TOP3B: variants seen among roughly 807,000 people sequenced by gnomAD.
TOP3B encodes DNA topoisomerase III beta, also known as DNA topoisomerase 3-beta-1.
TOP3B carries 45 observed loss-of-function variants against 93.9 expected under a neutral mutation model. The ratio of observed to expected loss-of-function variants is 0.48; its 90% CI spans 0.38 to 0.61. TOP3B has a LOEUF of 0.61. TOP3B is among the 20% of genes least tolerant of loss of function. The pLI is 0.00. For synonymous variants in TOP3B, 357 were observed against 472.6 expected, an observed-to-expected ratio of 0.76 and a Z score of 3.17; for missense variants, 750 against 1,156.1, an observed-to-expected ratio of 0.65 and a Z score of 5.09.
At position 21,970,170 on chromosome 22, in the gene TOP3B, A is replaced by AGTGAGG. The variant is rs139881270; in HGVS notation, c.581+34_581+39dup. 180,110 of 1,588,890 alleles carry AGTGAGG rather than the reference A, an allele frequency of 0.11. 10,741 individuals are homozygous for AGTGAGG. Among genetic ancestry groups the AGTGAGG allele is most frequent in the African/African-American group, 0.14 (10,539 of 74,562 alleles). ...AGAGGCAGGTCTCTGGCTGAGGGAGAGTGAGGGTGTGCCCAGGACTCTGCG... is the reference window on the plus strand; with the variant it reads ...AGAGGCAGGTCTCTGGCTGAGGGAGAGTGAGGGTGAGGGTGTGCCCAGGACTCTGCG... On this transcript the variant is annotated intron_variant, in intron 6 of 17. Coordinates refer to ENST00000357179, the MANE Select transcript of TOP3B (RefSeq NM_001282112.2). This position sits in a 1 kb window ranked among gnomAD's most constrained non-coding sequence, Gnocchi z 4.4.
intron 12 of TOP3B, 54 bp from the exon 13 acceptor site, chr22:21,962,656 C>T: frequency 6.2e-7 from 1 of 1,606,086 alleles, no homozygotes; most frequent in South Asian, 1.1e-5. Flanking sequence ...GCCGGGGCCT[C>T]AGACCCTGGG....
Position 21,963,830 on chromosome 22 carries a change from G to A in TOP3B, c.1204+93C>T, listed in dbSNP as rs2071296779. On this transcript the variant is annotated intron_variant, in intron 11 of 17. Transcript: ENST00000357179. The surrounding 1 kb of genome is among the most constrained non-coding windows in gnomAD (Gnocchi z 4.8). ...GCCAGGGCAGGCAGAGGCTGAAGGA[G>A]CCCCCACATTGCCAACAGGGCCTGC... The A allele has an allele frequency of 7.5e-7, 1 of 1,330,478 alleles. No individual in the cohort carries two copies. The highest frequency in any genetic ancestry group is 1.1e-6 in the Non-Finnish European group (1 of 943,568). The allele number at this position is 1,330,478 out of a possible 1,614,324, so 82.4% of individuals were successfully genotyped here.
chr22:21,960,299 G>C (rs2071114392), intron 14 of TOP3B, 22 bp downstream of exon 14: 2 of 1,612,972 alleles, frequency 1.2e-6, no homozygotes, highest in Admixed American at 1.7e-5. Context: ...GTGGGCCCTG[G>C]GGGCAGGACT....
chr22:21,959,934 C>G, intron 14 of TOP3B, 198 bp from the exon 15 acceptor site: 2 of 729,820 alleles, frequency 2.7e-6, no homozygotes, highest in Non-Finnish European at 4.4e-6. Context: ...TGATTTCCCA[C>G]CTGGAAATGT....
chr22:21,979,665 G>A (rs1476632871), intron 1 of TOP3B, among the ~76,000 whole-genome samples: 2 of 149,612 alleles, frequency 1.3e-5, no homozygotes, highest in South Asian at 4.3e-4. Flanking sequence ...TCTCTGGCCG[G>A]GCGCGGTGGC....
Position 21,971,448 on chromosome 22 carries a change from T to C in TOP3B, c.384+429A>G. ...CAGGGTTGGCTGGAGGCAGGAGGCA[T>C]CCTGGATGAGGCAGGAGATGAGCAG... is the stretch of plus-strand genomic sequence containing the variant. On this transcript the variant is annotated intron_variant, in intron 5 of 17. Coordinates refer to ENST00000357179, the MANE Select transcript of TOP3B (RefSeq NM_001282112.2). The surrounding 1 kb of genome is among the most constrained non-coding windows in gnomAD (Gnocchi z 4.6). 6.3e-6 allele frequency: 2 copies of C among 317,492 alleles called. No homozygotes were observed. Among genetic ancestry groups the C allele is most frequent in the South Asian group, 5.1e-5 (2 of 39,032 alleles). 19.7% of individuals were successfully genotyped at this position (317,492 alleles called of 1,614,324 possible). A position where few individuals can be genotyped will look rare whatever the true frequency, so the allele number is the denominator to read the frequency against.
intron 1 of TOP3B, chr22:21,982,333 G>T (rs1049806027): frequency 6.6e-6 from 1 of 152,240 alleles, no homozygotes; most frequent in Non-Finnish European, 1.5e-5. Context: ...AGGGGGCGGC[G>T]AGTGGAAGCT....
At chr22:21,981,000 A>G (rs1276402031) in intron 1 of TOP3B, among the ~76,000 whole-genome samples, 2 of 152,222 alleles carry the variant, frequency 1.3e-5, no homozygotes, top group African/African-American at 4.8e-5. Context: ...TGAGGTTTAA[A>G]AGAGATTTAG....
Position 21,971,803 on chromosome 22 carries a change from C to T in TOP3B, c.384+74G>A. ...TCCTTTGGCCCCAGGAGTGATGTGA[C>T]TGACTGCTGGTGTCAGTTTGGGGCT... On this transcript the variant is annotated intron_variant, in intron 5 of 17. Transcript: ENST00000357179. This position sits in a 1 kb window ranked among gnomAD's most constrained non-coding sequence, Gnocchi z 4.6. 2.9e-6 allele frequency: 4 copies of T among 1,386,020 alleles called. No individual in the cohort carries two copies. Among genetic ancestry groups the T allele is most frequent in the South Asian group, 1.2e-5 (1 of 85,962 alleles). The allele number at this position is 1,386,020 out of a possible 1,614,324, so 85.9% of individuals were successfully genotyped here. A position where few individuals can be genotyped will look rare whatever the true frequency, so the allele number is the denominator to read the frequency against.
In TOP3B at chr22:21,971,142, G is replaced by A. The variant is rs536824925; in HGVS notation, c.384+735C>T. The A allele has an allele frequency of 2.2e-6, 2 of 908,330 alleles. No homozygotes were observed. Among genetic ancestry groups the A allele is most frequent in the African/African-American group, 1.7e-5 (1 of 57,158 alleles). The allele number at this position is 908,330 out of a possible 1,614,324, so 56.3% of individuals were successfully genotyped here. A position where few individuals can be genotyped will look rare whatever the true frequency, so the allele number is the denominator to read the frequency against. ...CCCCCAGGGAGGAGCCGCCCTGCAGGGGAGGAGAGGGTATCTGGGAAGAGA... is the reference window on the plus strand; with the variant it reads ...CCCCCAGGGAGGAGCCGCCCTGCAGAGGAGGAGAGGGTATCTGGGAAGAGA... On this transcript the variant is annotated intron_variant, in intron 5 of 17. Transcript: ENST00000357179. This position sits in a 1 kb window ranked among gnomAD's most constrained non-coding sequence, Gnocchi z 4.6.
intron 16 of TOP3B, 156 bp from the exon 17 acceptor site, chr22:21,958,849 G>T (rs142637547): frequency 2.3e-4 from 296 of 1,299,216 alleles, no homozygotes; most frequent in Admixed American, 6.8e-4. Context: ...CTTGCTCCAC[G>T]CGTGCAGAAA....
intron 1 of TOP3B, among the ~76,000 whole-genome samples, chr22:21,979,351 A>C (rs1027818857): frequency 1.3e-5 from 2 of 151,986 alleles, no homozygotes; most frequent in African/African-American, 4.8e-5. Flanking sequence ...CAGGAATTAC[A>C]GAGGGGCCTG....
intron 4 of TOP3B, chr22:21,972,296 T>C (rs743526): frequency 0.11 from 51,161 of 453,788 alleles, 3,189 homozygotes; most frequent in African/African-American, 0.14. Flanking sequence ...GTCTTTCTAC[T>C]TATCTGCACT....
rs565683318 is a variant in TOP3B at position 21,963,285 on chromosome 22, C to T, written c.1205-392G>A. The T allele has an allele frequency of 3.3e-5, 6 of 182,058 alleles. No homozygotes were observed. Among genetic ancestry groups the T allele is most frequent in the East Asian group, 1.5e-4 (1 of 6,798 alleles). 11.3% of individuals were successfully genotyped at this position (182,058 alleles called of 1,614,324 possible). ...CTGGGAGGCAGAGGTTGCAGTGAGC[C>T]GAGATCGGGCCACTGCACTCCAGCC... On this transcript the variant is annotated intron_variant, in intron 11 of 17. Coordinates refer to ENST00000357179, the MANE Select transcript of TOP3B (RefSeq NM_001282112.2). The surrounding 1 kb of genome is among the most constrained non-coding windows in gnomAD (Gnocchi z 4.8).
In TOP3B at chr22:21,964,280, G is replaced by A. The variant is rs750050023; in HGVS notation, c.979C>T (p.Arg327Trp). ...GPQHAMQTAE[R>W]LYTQGYISYP... The stretch of plus-strand genomic sequence containing the variant: ...CTGATGTAGCCTTGCGTGTAGAGCC[G>A]CTCAGCCGTCTGCATGGCGTGCTGC... The change falls in exon 10 of 18, where the codon CGG (arginine) becomes TGG (tryptophan). Residue 327 changes from arginine (R) to tryptophan (W), a missense_variant. Arg to Trp is a moderately radical substitution (Grantham distance 101). Coordinates refer to ENST00000357179, the MANE Select transcript of TOP3B (RefSeq NM_001282112.2). 78 of 1,613,672 alleles carry A rather than the reference G, an allele frequency of 4.8e-5. No homozygotes were observed. Among genetic ancestry groups the A allele is most frequent in the Non-Finnish European group, 6.3e-5 (74 of 1,179,940 alleles).
At chr22:21,976,888 TCTG>T (rs1445015534) in intron 1 of TOP3B, 1 of 152,060 alleles carries the variant, frequency 6.6e-6, no homozygotes, top group East Asian at 1.9e-4. Context: ...AACTGGGAAA[TCTG>T]CTGTGAAAAA....
rs752254225 is a variant in TOP3B, at chr22:21,970,236, G to A, written c.555C>T (p.Asp185=). The change falls in exon 6 of 18, where the codon GAC becomes GAT. Residue 185 remains aspartate, a synonymous_variant. Transcript: ENST00000357179. The surrounding 1 kb of genome is among the most constrained non-coding windows in gnomAD (Gnocchi z 4.4). ...ALSVDARQEL[D]LRIGCAFTRF... ...TGGTGAATGCACAGCCGATTCGCAG[G>A]TCCAGCTCCTGGCGAGCATCCACTG... 2 of 1,613,048 alleles carry A rather than the reference G, an allele frequency of 1.2e-6. No homozygotes were observed. Among genetic ancestry groups the A allele is most frequent in the East Asian group, 2.2e-5 (1 of 44,880 alleles).
intron 2 of TOP3B, chr22:21,974,709 G>A (rs545865858): frequency 9.6e-6 from 4 of 415,948 alleles, no homozygotes; most frequent in African/African-American, 6.1e-5. Flanking sequence ...GAGCACTCTC[G>A]ATGCAGAGCC....
At chr22:21,959,800 C>A in intron 14 of TOP3B, 64 bp from the exon 15 acceptor site, 1 of 1,573,824 alleles carries the variant, frequency 6.4e-7, no homozygotes. Flanking sequence ...GCCACCCCTT[C>A]CCAGGCAGGG....
Sources: allele counts gnomAD v4.1 joint callset (sites outside exome capture counted in the v4.1 genomes callset), GRCh38; gene constraint gnomAD v4.1.1; non-coding constraint Gnocchi (gnomAD v3.1); transcripts MANE v1.5; gene names NCBI Gene and HGNC (gene_info 2026-07-23, HGNC 2026-07-21).